The following SLC35E2B variants were observed in gnomAD, a reference collection of about 807,000 sequenced individuals.
SLC35E2B encodes the protein solute carrier family 35, member E2B.
SLC35E2B carries 18 observed loss-of-function variants against 32.4 expected under a neutral mutation model. The ratio of observed to expected loss-of-function variants is 0.56; its 90% CI spans 0.38 to 0.82. The LOEUF is 0.82. Among genes scored for constraint, SLC35E2B ranks in the 40% least tolerant of loss-of-function variants. The pLI is 0.00. For missense variants in SLC35E2B, 263 were observed against 469.5 expected, an observed-to-expected ratio of 0.56 and a Z score of 4.06; for synonymous variants, 132 against 209.1, an observed-to-expected ratio of 0.63 and a Z score of 3.18.
chr1:1,671,438 G>A (rs1643688194), intron 6 of SLC35E2B, 71 bp downstream of exon 6: 2 of 1,321,264 alleles, frequency 1.5e-6, no homozygotes, highest in Non-Finnish European at 2.0e-6. Context: ...GCTCACCTGA[G>A]AATCTGCACA....
In SLC35E2B at chr1:1,665,545, A is replaced by G; in HGVS notation, c.*237T>C. The G allele has an allele frequency of 3.1e-6, 2 of 635,844 alleles. No individual in the cohort carries two copies. The highest frequency in any genetic ancestry group is 2.8e-5 in the East Asian group (1 of 35,816). 39.4% of individuals were successfully genotyped at this position (635,844 alleles called of 1,614,324 possible). Reference sequence around the variant, plus strand: ...GAGGCTGTTTTCACATTACACGGGGATGGGCTCGGCGGACACAGTCAGCTA... The same window carrying G: ...GAGGCTGTTTTCACATTACACGGGGGTGGGCTCGGCGGACACAGTCAGCTA... On this transcript the variant is annotated 3_prime_UTR_variant, in exon 10 of 10. Coordinates refer to ENST00000617444, the MANE Select transcript of SLC35E2B (RefSeq NM_001290264.2).
intron 5 of SLC35E2B, chr1:1,672,692 A>G (rs1334361776): frequency 6.6e-6 from 1 of 152,336 alleles, no homozygotes; most frequent in Non-Finnish European, 1.5e-5. Context: ...GGGGGTCCCC[A>G]TGGTGGGGCG....
intron 2 of SLC35E2B, among the ~76,000 whole-genome samples, chr1:1,677,435 G>A (rs1381303440): frequency 6.6e-6 from 1 of 151,366 alleles, no homozygotes; most frequent in Admixed American, 6.6e-5. Context: ...TGTGGCTGCC[G>A]CTGTCGGGTG....
intron 5 of SLC35E2B, 139 bp downstream of exon 5, chr1:1,675,324 G>A: frequency 1.2e-6 from 1 of 802,124 alleles, no homozygotes. Context: ...CGTGAGAGAA[G>A]TGAAGGCACT....
intron 2 of SLC35E2B, among the ~76,000 whole-genome samples, chr1:1,686,973 G>A (rs770285142): frequency 1.3e-5 from 2 of 151,456 alleles, no homozygotes; most frequent in African/African-American, 4.9e-5. Context: ...GGAGAAGGGC[G>A]AGAACCCAGG....
At chr1:1,669,558 C>T in intron 8 of SLC35E2B, 106 bp downstream of exon 8, 1 of 1,220,312 alleles carries the variant, frequency 8.2e-7, no homozygotes, top group Non-Finnish European at 1.1e-6. Flanking sequence ...CGGAGCTGGG[C>T]CCAACCAGCC....
At chr1:1,687,819 C>T (rs1046103271) in intron 2 of SLC35E2B, among the ~76,000 whole-genome samples, 4 of 151,516 alleles carry the variant, frequency 2.6e-5, no homozygotes, top group African/African-American at 7.3e-5. Context: ...CGCTTGAACC[C>T]GGAGGCGGAG....
chr1:1,681,644 T>A (rs1439049607), intron 2 of SLC35E2B, among the ~76,000 whole-genome samples: 1 of 149,880 alleles, frequency 6.7e-6, no homozygotes, highest in East Asian at 2.0e-4. Flanking sequence ...GCAGCTGGAA[T>A]TATAGGCATG....
At chr1:1,671,312 T>A (rs1237940662) in intron 6 of SLC35E2B, 197 bp downstream of exon 6, 2 of 493,432 alleles carry the variant, frequency 4.1e-6, no homozygotes, top group Middle Eastern at 5.5e-4. Context: ...AGACCGTCCA[T>A]CCTGAAATTT....
intron 2 of SLC35E2B, among the ~76,000 whole-genome samples, chr1:1,688,029 C>T (rs375864326): frequency 1.3e-5 from 2 of 152,032 alleles, no homozygotes; most frequent in Admixed American, 6.6e-5. Context: ...TTGGCTGCGC[C>T]GAAAGTTTGT....
At chr1:1,682,303 G>A (rs1643906645) in intron 2 of SLC35E2B, among the ~76,000 whole-genome samples, 1 of 152,174 alleles carries the variant, frequency 6.6e-6, no homozygotes, top group South Asian at 2.1e-4. Flanking sequence ...TCTCATAGAA[G>A]TCTTGGAGGT....
intron 2 of SLC35E2B, among the ~76,000 whole-genome samples, chr1:1,686,704 C>T (rs1320124383): frequency 2.7e-5 from 4 of 150,820 alleles, no homozygotes; most frequent in Non-Finnish European, 5.9e-5. Context: ...AGACGGAGGT[C>T]GCAGTGAGCC....
At chr1:1,684,573 C>CCT (rs1643928460) in intron 2 of SLC35E2B, among the ~76,000 whole-genome samples, 1 of 152,028 alleles carries the variant, frequency 6.6e-6, no homozygotes, top group African/African-American at 2.4e-5. Context: ...GGGTGGATCA[C>CCT]AAGGTCAGGA....
intron 2 of SLC35E2B, among the ~76,000 whole-genome samples, chr1:1,686,857 T>C (rs1189008939): frequency 1.3e-5 from 2 of 151,712 alleles, no homozygotes; most frequent in African/African-American, 4.8e-5. Context: ...GAGATCGAGA[T>C]CATCCTGGCT....
intron 2 of SLC35E2B, among the ~76,000 whole-genome samples, chr1:1,689,799 C>G (rs1218227971): frequency 6.6e-6 from 1 of 150,898 alleles, no homozygotes; most frequent in African/African-American, 2.4e-5. Context: ...CCAGCCTGAC[C>G]AACATGGTGA....
At chr1:1,674,660 G>A (rs1369455223) in intron 5 of SLC35E2B, among the ~76,000 whole-genome samples, 1 of 150,156 alleles carries the variant, frequency 6.7e-6, no homozygotes, top group African/African-American at 2.4e-5. Context: ...AAAAAAACCA[G>A]AGTTGACTTT....
At position 1,680,499 on chromosome 1, in the gene SLC35E2B, G is replaced by A. The variant is rs890147216; in HGVS notation, c.-147-3653C>T. Among the ~76,000 whole-genome samples the A allele has an allele frequency of 6.6e-5, 10 of 152,186 alleles. 1 individual carries two copies. Among genetic ancestry groups the A allele is most frequent in the Non-Finnish European group, 4.4e-5 (3 of 67,998 alleles). On this transcript the variant is annotated intron_variant, in intron 2 of 9. Coordinates refer to ENST00000617444, the MANE Select transcript of SLC35E2B (RefSeq NM_001290264.2). ...TAGGAGCATCCTCGTCTGTGTCTAC[G>A]TGCAGGAGTGGAACTGCCCAGCCCT...
At position 1,669,544 on chromosome 1, in the gene SLC35E2B, G is replaced by A. The variant is rs180932374; in HGVS notation, c.834+120C>T. 2.4e-4 allele frequency: 239 copies of A among 1,012,862 alleles called. No homozygotes were observed. In the East Asian group the frequency reaches 4.5e-3, roughly 19 times the overall value. The allele number at this position is 1,012,862 out of a possible 1,614,324, so 62.7% of individuals were successfully genotyped here. A position where few individuals can be genotyped will look rare whatever the true frequency, so the allele number is the denominator to read the frequency against. On this transcript the variant is annotated intron_variant, in intron 8 of 9. Coordinates refer to ENST00000617444, the MANE Select transcript of SLC35E2B (RefSeq NM_001290264.2). ...AGGGCAACTCAGCTAAGCAGGACCC[G>A]CAGCGGAGCTGGGCCCAACCAGCCA...
intron 6 of SLC35E2B, chr1:1,671,306 C>T (rs1287539027): frequency 1.5e-5 from 7 of 467,766 alleles, no homozygotes; most frequent in Non-Finnish European, 2.5e-5. Context: ...GTACCAAGAC[C>T]GTCCATCCTG....
Sources: allele counts gnomAD v4.1 joint callset (sites outside exome capture counted in the v4.1 genomes callset), GRCh38; gene constraint gnomAD v4.1.1; transcripts MANE v1.5; gene names NCBI Gene and HGNC (gene_info 2026-07-23, HGNC 2026-07-21).